The following C10orf90 variants were observed in gnomAD, a reference collection of about 807,000 sequenced individuals.
C10orf90 encodes (E2-independent) E3 ubiquitin-conjugating enzyme FATS.
In C10orf90, 56 loss-of-function variants were observed where a neutral mutation model predicts 62.5. The ratio of observed to expected loss-of-function variants is 0.90; its 90% CI spans 0.72 to 1.12. C10orf90 has a LOEUF of 1.12. C10orf90 is among the 50% of genes most tolerant of loss of function. The probability of loss-of-function intolerance (pLI) is 0.00; values close to 1 mark genes in which losing one functional copy is unlikely to be tolerated. For missense variants in C10orf90, 970 were observed against 880.4 expected (o/e 1.10, Z -1.29); for synonymous variants, 386 against 340.4 (o/e 1.13, Z -1.47).
intron 1 of C10orf90, 36 bp downstream of exon 1, chr10:126,670,205 G>A (rs1171334462): frequency 2.2e-6 from 1 of 454,994 alleles, no homozygotes; most frequent in Non-Finnish European, 4.4e-6. Flanking sequence ...TCTGAGTCAA[G>A]CGTGTACCCA....
chr10:126,590,806 T>C (rs1019645015), intron 2 of C10orf90, among the ~76,000 whole-genome samples: 3 of 150,062 alleles, frequency 2.0e-5, no homozygotes, highest in Admixed American at 6.6e-5. Context: ...AACCCCATAA[T>C]AAAAAAGAAA....
At chr10:126,537,113 C>A (rs1864258545) in intron 2 of C10orf90, among the ~76,000 whole-genome samples, 1 of 152,156 alleles carries the variant, frequency 6.6e-6, no homozygotes, top group Admixed American at 6.5e-5. Flanking sequence ...TCCTTAACTT[C>A]CCCTTCTCCT....
chr10:126,509,457 A>T (rs1862963167), intron 3 of C10orf90, among the ~76,000 whole-genome samples: 1 of 152,184 alleles, frequency 6.6e-6, no homozygotes, highest in Admixed American at 6.5e-5. Flanking sequence ...AATGGAATGC[A>T]TTTGGGTTTA....
At chr10:126,611,916 A>G (rs912219364) in intron 2 of C10orf90, among the ~76,000 whole-genome samples, 3 of 152,246 alleles carry the variant, frequency 2.0e-5, no homozygotes, top group African/African-American at 4.8e-5. Context: ...TATCCTGTCC[A>G]ATATGGTAAC....
chr10:126,513,628 G>T (rs1035421721), intron 3 of C10orf90, among the ~76,000 whole-genome samples: 2 of 152,100 alleles, frequency 1.3e-5, no homozygotes, highest in African/African-American at 4.8e-5. Context: ...GTTTAAAATT[G>T]GGAGCAATTG....
rs141484528 is a variant in C10orf90, at chr10:126,586,491, C to T, written c.313+60074G>A. On this transcript the variant is annotated intron_variant, in intron 2 of 9. Coordinates refer to ENST00000488181, the MANE Select transcript of C10orf90 (RefSeq NM_001350921.2). ...GTGAGTCCATTCAAGGTTCATGTGG[C>T]TGTTCTCAAAATAACAGATTGGAAA... 5.2e-3 allele frequency among the ~76,000 whole-genome samples: 787 copies of T among 152,330 alleles called. 6 individuals carry two copies. The highest frequency in any genetic ancestry group is 0.017 in the African/African-American group (709 of 41,576).
At chr10:126,445,804 T>G (rs946626638) in intron 7 of C10orf90, among the ~76,000 whole-genome samples, 1 of 96,524 alleles carries the variant, frequency 1.0e-5, no homozygotes, top group Middle Eastern at 4.5e-3. Context: ...GAAACTGTGG[T>G]GTATATATAT....
intron 8 of C10orf90, 107 bp from the exon 9 acceptor site, chr10:126,426,197 C>T (rs1418160154): frequency 1.9e-5 from 17 of 901,446 alleles, no homozygotes; most frequent in African/African-American, 3.3e-5. Context: ...AAGAGAAGAT[C>T]GCTGCTTATG....
At chr10:126,468,034 A>T (rs1235485384) in intron 4 of C10orf90, among the ~76,000 whole-genome samples, 1 of 151,608 alleles carries the variant, frequency 6.6e-6, no homozygotes, top group African/African-American at 2.4e-5. Context: ...ACCCTTAACC[A>T]ATATGTTTTT....
intron 4 of C10orf90, among the ~76,000 whole-genome samples, chr10:126,486,830 A>C (rs1861459451): frequency 6.6e-6 from 1 of 152,126 alleles, no homozygotes; most frequent in African/African-American, 2.4e-5. Flanking sequence ...AAAATGGGAA[A>C]GACAGGTTAG....
chr10:126,500,759 C>T (rs1429849461), intron 4 of C10orf90, among the ~76,000 whole-genome samples: 1 of 152,172 alleles, frequency 6.6e-6, no homozygotes, highest in Non-Finnish European at 1.5e-5. Context: ...TCAGTAGAAA[C>T]AGCTATTTGA....
intron 2 of C10orf90, among the ~76,000 whole-genome samples, chr10:126,542,904 G>GATATGTGTAT (rs1284623813): frequency 6.6e-6 from 1 of 152,156 alleles, no homozygotes; most frequent in African/African-American, 2.4e-5. Context: ...TGTGCCTCAA[G>GATATGTGTAT]ATATGTGTAT....
intron 2 of C10orf90, among the ~76,000 whole-genome samples, chr10:126,626,421 T>C (rs1256616359): frequency 1.3e-5 from 2 of 152,070 alleles, no homozygotes; most frequent in Admixed American, 6.5e-5. Flanking sequence ...GGCTGGTGAA[T>C]GCTGAGTACA....
At chr10:126,481,166 A>G (rs1861143597) in intron 4 of C10orf90, among the ~76,000 whole-genome samples, 1 of 152,210 alleles carries the variant, frequency 6.6e-6, no homozygotes, top group Admixed American at 6.5e-5. Flanking sequence ...TGAAATGTCA[A>G]TCAGAGAAGC....
intron 2 of C10orf90, among the ~76,000 whole-genome samples, chr10:126,569,917 A>G (rs1170988404): frequency 6.6e-6 from 1 of 152,146 alleles, no homozygotes; most frequent in Non-Finnish European, 1.5e-5. Flanking sequence ...CTTAAAAAAG[A>G]AAAGAAAAGA....
chr10:126,467,545 C>A (rs1312637634), intron 4 of C10orf90, among the ~76,000 whole-genome samples: 1 of 152,182 alleles, frequency 6.6e-6, no homozygotes, highest in African/African-American at 2.4e-5. Context: ...GAGCAGCCTG[C>A]CAATGAAGCC....
intron 7 of C10orf90, among the ~76,000 whole-genome samples, chr10:126,447,972 C>T (rs867096132): frequency 4.6e-5 from 7 of 150,988 alleles, no homozygotes; most frequent in African/African-American, 1.5e-4. Context: ...CTGCCTCAGC[C>T]TCCCAAGCAG....
chr10:126,545,947 G>C (rs1042972510), intron 2 of C10orf90, among the ~76,000 whole-genome samples: 1 of 152,078 alleles, frequency 6.6e-6, no homozygotes, highest in African/African-American at 2.4e-5. Flanking sequence ...ACTAACATAA[G>C]CAGACTCTTA....
At chr10:126,572,905 A>G (rs1470998122) in intron 2 of C10orf90, among the ~76,000 whole-genome samples, 5 of 151,968 alleles carry the variant, frequency 3.3e-5, no homozygotes, top group Admixed American at 3.3e-4. Flanking sequence ...TGAGTAATCC[A>G]CCCCTTGGTT....
Sources: allele counts gnomAD v4.1 joint callset (sites outside exome capture counted in the v4.1 genomes callset), GRCh38; gene constraint gnomAD v4.1.1; transcripts MANE v1.5; gene names NCBI Gene and HGNC (gene_info 2026-07-23, HGNC 2026-07-21).